PDE1C: variants seen among roughly 807,000 people sequenced by gnomAD.
PDE1C encodes the protein phosphodiesterase 1C.
Under a neutral mutation model 93.1 loss-of-function variants are expected in PDE1C, and 62 were observed. The ratio of observed to expected loss-of-function variants is 0.67; its 90% CI spans 0.54 to 0.82. PDE1C has a LOEUF of 0.82. Among genes scored for constraint, PDE1C ranks in the 40% least tolerant of loss-of-function variants. The pLI, the probability that PDE1C is intolerant of heterozygous loss-of-function variation, is 0.00. For missense variants in PDE1C, 742 were observed against 884.6 expected, an observed-to-expected ratio of 0.84 and a Z score of 2.04; for synonymous variants, 325 against 310.1, an observed-to-expected ratio of 1.05 and a Z score of -0.50.
chr7:31,691,639 G>C, the PDE1C span, among the ~76,000 whole-genome samples: 2 of 151,802 alleles, frequency 1.3e-5, no homozygotes, highest in African/African-American at 2.4e-5. Flanking sequence ...TGGAGGGTGG[G>C]GACGGGGACA....
At chr7:32,386,713 TG>T (rs1479834068) in intron 1 of PDE1C, among the ~76,000 whole-genome samples, 1 of 146,972 alleles carries the variant, frequency 6.8e-6, no homozygotes, top group African/African-American at 2.5e-5. Flanking sequence ...TGGTCTCAAG[TG>T]ATCTTCTCGC....
chr7:32,348,356 CTTT>C (rs59148183), intron 1 of PDE1C, among the ~76,000 whole-genome samples: 2 of 57,312 alleles, frequency 3.5e-5, no homozygotes, highest in Non-Finnish European at 6.5e-5. Flanking sequence ...AACAAATGTG[CTTT>C]TTTTTTTTTT....
intron 9 of PDE1C, among the ~76,000 whole-genome samples, chr7:31,840,800 C>T (rs1327274630): frequency 2.0e-5 from 3 of 152,266 alleles, no homozygotes; most frequent in East Asian, 1.9e-4. Context: ...CAGTGAAATG[C>T]TGCCTTGAAT....
At chr7:31,773,629 G>A (rs1436153018) in intron 17 of PDE1C, among the ~76,000 whole-genome samples, 1 of 152,058 alleles carries the variant, frequency 6.6e-6, no homozygotes, top group Non-Finnish European at 1.5e-5. Context: ...TCAAAAGCAA[G>A]TCTGTAGAGT....
rs139414531 is a variant in PDE1C, at chr7:32,320,044, G to A, written c.310+107778C>T. On this transcript the variant is annotated intron_variant, in intron 1 of 1. Coordinates refer to the PDE1C transcript ENST00000672256. ...ACACAGCCAAATTGGGGAGGGGATAGGTGGGGCAACTTGAAGCCAATTCAG... is the reference window on the plus strand; with the variant it reads ...ACACAGCCAAATTGGGGAGGGGATAAGTGGGGCAACTTGAAGCCAATTCAG... 3.7e-4 allele frequency among the ~76,000 whole-genome samples: 57 copies of A among 152,226 alleles called. No individual in the cohort carries two copies. The East Asian group carries it at 0.01, about 28-fold the overall frequency.
intron 9 of PDE1C, among the ~76,000 whole-genome samples, chr7:31,844,744 CTT>C (rs1321042376): frequency 6.6e-6 from 1 of 151,978 alleles, no homozygotes; most frequent in African/African-American, 2.4e-5. Context: ...CATTCTCTCT[CTT>C]TTCTCTCCTT....
At chr7:31,914,529 C>T (rs1308492862) in intron 2 of PDE1C, among the ~76,000 whole-genome samples, 1 of 152,148 alleles carries the variant, frequency 6.6e-6, no homozygotes, top group African/African-American at 2.4e-5. Flanking sequence ...AATCCCTTTC[C>T]CTTTAGCTAT....
intron 2 of PDE1C, among the ~76,000 whole-genome samples, chr7:31,961,750 GAACA>G (rs934016926): frequency 1.3e-5 from 2 of 152,194 alleles, no homozygotes; most frequent in African/African-American, 4.8e-5. Context: ...TGTGTTACAT[GAACA>G]TACATACATA....
At chr7:31,855,792 G>GA (rs763753026) in intron 7 of PDE1C, among the ~76,000 whole-genome samples, 3,951 of 116,754 alleles carry the variant, frequency 0.034, 81 homozygotes, top group South Asian at 0.051. Context: ...CTCCTTTCTG[G>GA]AAAAAAAAAA....
At chr7:31,741,240 G>A in the PDE1C span, among the ~76,000 whole-genome samples, 1 of 151,528 alleles carries the variant, frequency 6.6e-6, no homozygotes, top group African/African-American at 2.4e-5. Context: ...TATTACTTAT[G>A]AGAAATTTGG....
intron 1 of PDE1C, among the ~76,000 whole-genome samples, chr7:32,340,926 T>C (rs1163614694): frequency 6.6e-6 from 1 of 152,160 alleles, no homozygotes; most frequent in Non-Finnish European, 1.5e-5. Context: ...TAATGATAGA[T>C]ACATGTCAGT....
intron 1 of PDE1C, among the ~76,000 whole-genome samples, chr7:32,340,713 A>G (rs1783731150): frequency 6.6e-6 from 1 of 152,250 alleles, no homozygotes; most frequent in African/African-American, 2.4e-5. Context: ...ACTTAAATGC[A>G]TATTACTAAG....
intron 1 of PDE1C, among the ~76,000 whole-genome samples, chr7:32,062,990 G>T (rs1024058514): frequency 2.6e-5 from 4 of 152,146 alleles, no homozygotes; most frequent in African/African-American, 4.8e-5. Context: ...TTGTCTTACG[G>T]TCATTAAGAC....
At chr7:32,404,666 A>T (rs1399198823) in intron 1 of PDE1C, among the ~76,000 whole-genome samples, 1 of 152,048 alleles carries the variant, frequency 6.6e-6, no homozygotes, top group East Asian at 1.9e-4. Context: ...TTATTTATGT[A>T]TTCAGTGACA....
At chr7:32,061,043 T>G (rs977761011) in intron 1 of PDE1C, among the ~76,000 whole-genome samples, 1 of 152,226 alleles carries the variant, frequency 6.6e-6, no homozygotes, top group Non-Finnish European at 1.5e-5. Context: ...CTTTCAAAGA[T>G]TAATCTTTCA....
At chr7:32,257,282 C>G (rs1048803154) in intron 1 of PDE1C, among the ~76,000 whole-genome samples, 3 of 152,112 alleles carry the variant, frequency 2.0e-5, no homozygotes, top group African/African-American at 7.2e-5. Flanking sequence ...CAAAAATTGC[C>G]CTGGCTTCCT....
At chr7:31,884,507 A>C (rs1253391006) in intron 2 of PDE1C, among the ~76,000 whole-genome samples, 1 of 152,176 alleles carries the variant, frequency 6.6e-6, no homozygotes, top group Non-Finnish European at 1.5e-5. Flanking sequence ...GTATATACCC[A>C]TCTCCTGTTT....
At chr7:31,950,297 G>A (rs181375791) in intron 2 of PDE1C, among the ~76,000 whole-genome samples, 1 of 152,302 alleles carries the variant, frequency 6.6e-6, no homozygotes, top group African/African-American at 2.4e-5. Context: ...GACATGAAAA[G>A]CAGAAGTCTT....
At chr7:31,923,132 C>T (rs749012815) in intron 2 of PDE1C, among the ~76,000 whole-genome samples, 1 of 152,090 alleles carries the variant, frequency 6.6e-6, no homozygotes, top group Non-Finnish European at 1.5e-5. Context: ...AGGCCTCTAA[C>T]CAGAGAAAAC....
Sources: allele counts gnomAD v4.1 joint callset (sites outside exome capture counted in the v4.1 genomes callset), GRCh38; gene constraint gnomAD v4.1.1; transcripts MANE v1.5; gene names NCBI Gene and HGNC (gene_info 2026-07-23, HGNC 2026-07-21).